Variants in LRMDA observed in about 807,000 individuals in gnomAD.
LRMDA encodes leucine rich melanocyte differentiation associated.
A neutral mutation model predicts 29.8 loss-of-function variants in LRMDA; 18 were observed. The ratio of observed to expected loss-of-function variants is 0.60; its 90% CI spans 0.42 to 0.90. The LOEUF (loss-of-function observed/expected upper bound fraction) is 0.90. Among genes scored for constraint, LRMDA ranks in the 40% least tolerant of loss-of-function variants. The probability of loss-of-function intolerance (pLI) is 0.00; values close to 1 mark genes in which losing one functional copy is unlikely to be tolerated. For synonymous variants in LRMDA, 125 were observed against 109.4 expected, an observed-to-expected ratio of 1.14 and a Z score of -0.89; for missense variants, 273 against 273.9, an observed-to-expected ratio of 1.00 and a Z score of 0.02.
chr10:76,374,117 C>T (rs1262003154), intron 6 of LRMDA, among the ~76,000 whole-genome samples: 1 of 152,192 alleles, frequency 6.6e-6, no homozygotes, highest in Non-Finnish European at 1.5e-5. Context: ...TTGCAGTTCA[C>T]ACTAACGGAT....
chr10:75,590,943 C>T (rs1273804703), intron 2 of LRMDA, among the ~76,000 whole-genome samples: 1 of 151,816 alleles, frequency 6.6e-6, no homozygotes, highest in Non-Finnish European at 1.5e-5. Context: ...GGGGTTTCAC[C>T]ATGTTGGCCA....
At chr10:76,411,552 C>T (rs554768042) in intron 6 of LRMDA, among the ~76,000 whole-genome samples, 1 of 152,372 alleles carries the variant, frequency 6.6e-6, no homozygotes, top group East Asian at 1.9e-4. Context: ...AAATTCCTCA[C>T]TATTTTTCAA....
chr10:75,513,970 T>G (rs1002419863), intron 2 of LRMDA, among the ~76,000 whole-genome samples: 8 of 152,318 alleles, frequency 5.3e-5, no homozygotes, highest in Non-Finnish European at 1.2e-4. Flanking sequence ...CATCAGGTGG[T>G]AAACATGGAC....
intron 2 of LRMDA, among the ~76,000 whole-genome samples, chr10:75,811,596 A>G (rs904187683): frequency 6.6e-6 from 1 of 152,228 alleles, no homozygotes; most frequent in Non-Finnish European, 1.5e-5. Flanking sequence ...CAATCAGTTA[A>G]TGCTAGAATA....
intron 5 of LRMDA, among the ~76,000 whole-genome samples, chr10:76,104,055 A>G (rs1849439964): frequency 6.6e-6 from 1 of 152,010 alleles, no homozygotes; most frequent in Admixed American, 6.6e-5. Context: ...CTAAAAAAAA[A>G]AAAAAAATTC....
chr10:75,924,181 A>G (rs1589254945), intron 2 of LRMDA, among the ~76,000 whole-genome samples: 1 of 152,214 alleles, frequency 6.6e-6, no homozygotes, highest in African/African-American at 2.4e-5. Context: ...TCCTTTCTTT[A>G]TAGAATGCAA....
chr10:75,684,953 T>C (rs922536811), intron 2 of LRMDA, among the ~76,000 whole-genome samples: 2 of 152,244 alleles, frequency 1.3e-5, no homozygotes, highest in African/African-American at 2.4e-5. Context: ...CAGGCATCTG[T>C]ATTTCTTAAC....
At chr10:76,330,632 G>A (rs779261345) in intron 6 of LRMDA, among the ~76,000 whole-genome samples, 4 of 152,152 alleles carry the variant, frequency 2.6e-5, no homozygotes, top group South Asian at 2.1e-4. Flanking sequence ...GAGGGAGCAG[G>A]TAAGAGAAGG....
chr10:76,428,294 G>T (rs567577877), intron 6 of LRMDA, among the ~76,000 whole-genome samples: 99 of 152,180 alleles, frequency 6.5e-4, no homozygotes, highest in African/African-American at 2.3e-3. Context: ...TATTTTGAAT[G>T]GTTCCTTTAC....
At chr10:76,141,628 T>G (rs140576546) in intron 5 of LRMDA, among the ~76,000 whole-genome samples, 2 of 152,252 alleles carry the variant, frequency 1.3e-5, no homozygotes, top group East Asian at 3.9e-4. Flanking sequence ...CCATTCCAAA[T>G]TAGTTTTGTT....
In LRMDA at chr10:76,271,190, A is replaced by G. The variant is rs111784563; in HGVS notation, c.517-53211A>G. 5.6e-3 allele frequency among the ~76,000 whole-genome samples: 852 copies of G among 152,256 alleles called. 13 individuals are homozygous for G. Among genetic ancestry groups the G allele is most frequent in the African/African-American group, 0.019 (792 of 41,548 alleles). On this transcript the variant is annotated intron_variant, in intron 5 of 6. Coordinates refer to ENST00000611255, the MANE Select transcript of LRMDA (RefSeq NM_001305581.2). ...TGGGAGGCCGAGGTGGGTGAACTGC[A>G]TTAACTCAGGAGTTCGAGGCCAGCC... is the stretch of plus-strand genomic sequence containing the variant.
intron 2 of LRMDA, among the ~76,000 whole-genome samples, chr10:75,891,190 G>A (rs1391698443): frequency 1.3e-5 from 2 of 152,090 alleles, no homozygotes; most frequent in Non-Finnish European, 2.9e-5. Context: ...TGAGAAAACT[G>A]CCAGGAAGCT....
intron 2 of LRMDA, among the ~76,000 whole-genome samples, chr10:76,033,860 A>G (rs1848193231): frequency 6.6e-6 from 1 of 152,092 alleles, no homozygotes; most frequent in African/African-American, 2.4e-5. Context: ...TCCCCTGCAC[A>G]AGCCTGACTT....
At chr10:76,313,939 T>G (rs72817433) in intron 5 of LRMDA, among the ~76,000 whole-genome samples, 2 of 152,256 alleles carry the variant, frequency 1.3e-5, no homozygotes, top group African/African-American at 2.4e-5. Context: ...GTCAGAACTT[T>G]ACTCATTTGT....
At chr10:76,357,494 T>G (rs1564518883) in intron 6 of LRMDA, among the ~76,000 whole-genome samples, 1 of 152,122 alleles carries the variant, frequency 6.6e-6, no homozygotes, top group Non-Finnish European at 1.5e-5. Context: ...AGTCCCTGGA[T>G]GGGGGAATTT....
At chr10:76,346,947 G>A (rs1418075398) in intron 6 of LRMDA, among the ~76,000 whole-genome samples, 1 of 152,152 alleles carries the variant, frequency 6.6e-6, no homozygotes. Flanking sequence ...GATTAGGAGA[G>A]CACTTCTGGC....
chr10:76,089,222 A>G (rs1031856501), intron 5 of LRMDA, among the ~76,000 whole-genome samples: 2 of 152,152 alleles, frequency 1.3e-5, no homozygotes, highest in Non-Finnish European at 2.9e-5. Flanking sequence ...TCAGTGAATC[A>G]CTCAAGTTCC....
intron 6 of LRMDA, among the ~76,000 whole-genome samples, chr10:76,477,467 C>G (rs1027071358): frequency 1.3e-5 from 2 of 151,860 alleles, no homozygotes; most frequent in African/African-American, 4.8e-5. Context: ...GTGAAAATGG[C>G]CATACTGCCC....
rs560885086 is a variant in LRMDA at position 76,348,427 on chromosome 10, A to G, written c.601+23942A>G. 2.6e-5 allele frequency among the ~76,000 whole-genome samples: 4 copies of G among 152,376 alleles called. No individual in the cohort carries two copies. In the South Asian group the frequency reaches 8.3e-4, roughly 32 times the overall value. Reference sequence around the variant, plus strand: ...AACAACCATAAAGTAAAAGTGCTTAAGCACGTATTTCCAAGGATTCTAATT... The same window carrying G: ...AACAACCATAAAGTAAAAGTGCTTAGGCACGTATTTCCAAGGATTCTAATT... On this transcript the variant is annotated intron_variant, in intron 6 of 6. Transcript: ENST00000611255.
Sources: gnomAD v4.1 joint callset for allele counts (sites outside exome capture counted in the v4.1 genomes callset) on GRCh38, gnomAD v4.1.1 for gene constraint, MANE v1.5 for transcripts, NCBI Gene and HGNC (gene_info 2026-07-23, HGNC 2026-07-21) for gene names.